The following ABCA13 variants were observed in gnomAD, a reference collection of about 807,000 sequenced individuals.
ABCA13 encodes ATP binding cassette subfamily A member 13, also known as ATP-binding cassette sub-family A member 13.
A neutral mutation model predicts 478.7 loss-of-function variants in ABCA13; 476 were observed. The ratio of observed to expected loss-of-function variants is 0.99; its 90% CI spans 0.92 to 1.07. The LOEUF (loss-of-function observed/expected upper bound fraction) is 1.07, where lower values mean the gene tolerates loss of function less well. Among genes scored for constraint, ABCA13 ranks in the 50% least tolerant of loss-of-function variants. ABCA13 has a pLI of 0.00. For synonymous variants in ABCA13, 2,252 were observed against 2,158.9 expected, an observed-to-expected ratio of 1.04 and a Z score of -1.20; for missense variants, 6,060 against 5,910.6, an observed-to-expected ratio of 1.03 and a Z score of -0.83.
At chr7:48,207,039 C>G (rs755791727) in intron 3 of ABCA13, among the ~76,000 whole-genome samples, 52 of 152,086 alleles carry the variant, frequency 3.4e-4, no homozygotes, top group Non-Finnish European at 6.6e-4. Flanking sequence ...ATTTTAAGCT[C>G]CCACATATAA....
At chr7:48,268,850 CTTTTTTTTTTTTT>C in intron 15 of ABCA13, 117 bp from the exon 16 acceptor site, 7 of 244,868 alleles carry the variant, frequency 2.9e-5, no homozygotes, top group South Asian at 2.7e-4. Context: ...TCCTACTCAT[CTTTTTTTTTTTTT>C]TTTTTTTTTT....
intron 15 of ABCA13, among the ~76,000 whole-genome samples, chr7:48,250,219 C>T (rs1385218080): frequency 1.2e-4 from 18 of 152,196 alleles, no homozygotes; most frequent in Admixed American, 1.2e-3. Flanking sequence ...AGGCCTATCA[C>T]CCTCCCAGCA....
At chr7:48,389,946 AAGAAAGGT>A (rs1223545323) in intron 37 of ABCA13, among the ~76,000 whole-genome samples, 2 of 152,238 alleles carry the variant, frequency 1.3e-5, no homozygotes, top group Non-Finnish European at 2.9e-5. Context: ...CAGACTTAAT[AAGAAAGGT>A]AGAAAAATAA....
intron 55 of ABCA13, among the ~76,000 whole-genome samples, chr7:48,546,594 C>G (rs1784833737): frequency 6.6e-6 from 1 of 151,636 alleles, no homozygotes; most frequent in African/African-American, 2.4e-5. Context: ...CTTCACATTT[C>G]AAACTAGCAT....
intron 22 of ABCA13, 69 bp downstream of exon 22, chr7:48,297,380 T>G: frequency 1.4e-6 from 2 of 1,386,290 alleles, no homozygotes; most frequent in Non-Finnish European, 2.0e-6. Context: ...AATATATTAT[T>G]AAAATAAAAC....
At chr7:48,481,632 A>C (rs1585526393) in intron 46 of ABCA13, among the ~76,000 whole-genome samples, 1 of 151,754 alleles carries the variant, frequency 6.6e-6, no homozygotes, top group African/African-American at 2.4e-5. Context: ...CAGCCTCCCG[A>C]GTAGCTGGGT....
At chr7:48,286,724 C>T (rs770998962) in intron 19 of ABCA13, among the ~76,000 whole-genome samples, 6 of 152,148 alleles carry the variant, frequency 3.9e-5, no homozygotes, top group African/African-American at 1.4e-4. Context: ...AGGATGGTCT[C>T]GATCTCCTGA....
intron 55 of ABCA13, among the ~76,000 whole-genome samples, chr7:48,546,661 G>C (rs763808626): frequency 2.6e-5 from 4 of 151,282 alleles, no homozygotes; most frequent in Non-Finnish European, 5.9e-5. Flanking sequence ...TTTTTCCTTA[G>C]GTTTTCCCGT....
At chr7:48,343,730 T>A (rs759543638) in intron 29 of ABCA13, among the ~76,000 whole-genome samples, 7 of 152,116 alleles carry the variant, frequency 4.6e-5, no homozygotes, top group Non-Finnish European at 8.8e-5. Context: ...GTAGACTTTT[T>A]TAAACTTTTA....
intron 45 of ABCA13, among the ~76,000 whole-genome samples, chr7:48,474,681 T>C (rs1316398424): frequency 1.3e-5 from 2 of 152,180 alleles, no homozygotes; most frequent in Non-Finnish European, 2.9e-5. Flanking sequence ...TTTCAATTGA[T>C]AAAAATGCCC....
At chr7:48,464,220 T>G (rs911427701) in intron 43 of ABCA13, among the ~76,000 whole-genome samples, 1 of 152,218 alleles carries the variant, frequency 6.6e-6, no homozygotes, top group Non-Finnish European at 1.5e-5. Context: ...GAGGGATAGT[T>G]TAGGAAAAAG....
At chr7:48,226,976 C>G (rs928829798) in intron 5 of ABCA13, among the ~76,000 whole-genome samples, 6 of 151,996 alleles carry the variant, frequency 3.9e-5, no homozygotes, top group Non-Finnish European at 8.8e-5. Context: ...GAAGTTGGTA[C>G]AGCTTGTTAC....
intron 3 of ABCA13, among the ~76,000 whole-genome samples, chr7:48,216,241 T>A (rs1418809296): frequency 3.9e-5 from 6 of 152,200 alleles, no homozygotes; most frequent in Admixed American, 1.3e-4. Context: ...TTACTCCACA[T>A]TCTCACCAAT....
chr7:48,508,736 A>G (rs2130883125), intron 50 of ABCA13, among the ~76,000 whole-genome samples: 1 of 152,312 alleles, frequency 6.6e-6, no homozygotes, highest in South Asian at 2.1e-4. Flanking sequence ...AAAATCATAC[A>G]TAAGTCAGTG....
chr7:48,266,456 G>A (rs1432327923), intron 15 of ABCA13, among the ~76,000 whole-genome samples: 1 of 151,508 alleles, frequency 6.6e-6, no homozygotes, highest in African/African-American at 2.4e-5. Context: ...ATACATTAGG[G>A]CCACTCAAGT....
chr7:48,268,850 C>CTTTT lies in ABCA13; in HGVS notation c.2006-110_2006-107dup, dbSNP rs57201740. On this transcript the variant is annotated intron_variant, in intron 15 of 61. Coordinates refer to ENST00000435803, the MANE Select transcript of ABCA13 (RefSeq NM_152701.5). ...GTCAAATTAGAAGATTCCTACTCATCTTTTTTTTTTTTTTTTTTTTTTTAA... is the reference window on the plus strand; with the variant it reads ...GTCAAATTAGAAGATTCCTACTCATCTTTTTTTTTTTTTTTTTTTTTTTTTTTAA... 941 of 245,364 alleles carry CTTTT rather than the reference C, an allele frequency of 3.8e-3. 8 individuals are homozygous for CTTTT. The highest frequency in any genetic ancestry group is 0.021 in the African/African-American group (711 of 34,186). 15.2% of individuals were successfully genotyped at this position (245,364 alleles called of 1,614,324 possible).
intron 1 of ABCA13, among the ~76,000 whole-genome samples, chr7:48,181,091 C>T (rs1246634194): frequency 2.6e-5 from 4 of 152,172 alleles, no homozygotes; most frequent in Admixed American, 1.3e-4. Context: ...AGAAGGGACC[C>T]GCAGTTCCTG....
Position 48,489,335 on chromosome 7 carries a change from A to C in ABCA13, c.13282A>C (p.Arg4428=). ...GCACCTACCCCCTACTGTGGACTGG[A>C]GACAATACGGTAATGTTATTTTTCA... is the stretch of plus-strand genomic sequence containing the variant. ...WQHLPPTVDW[R]QYGITLYSHP... is the part of the protein sequence containing the mutation. The change falls in exon 48 of 62, where the codon AGA becomes CGA. Residue 4428 remains arginine (R), a synonymous_variant. Coordinates refer to ENST00000435803, the MANE Select transcript of ABCA13 (RefSeq NM_152701.5). The C allele has an allele frequency of 6.3e-7, 1 of 1,599,882 alleles. No homozygotes were observed. Among genetic ancestry groups the C allele is most frequent in the Non-Finnish European group, 8.6e-7 (1 of 1,168,554 alleles).
intron 55 of ABCA13, among the ~76,000 whole-genome samples, chr7:48,545,777 A>G (rs1442623216): frequency 1.3e-5 from 2 of 151,598 alleles, no homozygotes; most frequent in Non-Finnish European, 3.0e-5. Context: ...AAGATTAAAA[A>G]CTGTGGCTAT....
Sources: allele counts gnomAD v4.1 joint callset (sites outside exome capture counted in the v4.1 genomes callset), GRCh38; gene constraint gnomAD v4.1.1; transcripts MANE v1.5; gene names NCBI Gene and HGNC (gene_info 2026-07-23, HGNC 2026-07-21).